The following PUM2 variants were observed in gnomAD, a reference collection of about 807,000 sequenced individuals.
PUM2 encodes the protein pumilio homolog 2.
In PUM2, 57 loss-of-function variants were observed where a neutral mutation model predicts 124.5. The observed-to-expected ratio is 0.46, with a 90% CI of 0.37 to 0.57. PUM2 has a LOEUF of 0.57. Among genes scored for constraint, PUM2 ranks in the 20% least tolerant of loss-of-function variants. The probability of loss-of-function intolerance (pLI) is 0.00; values close to 1 mark genes in which losing one functional copy is unlikely to be tolerated. For missense variants in PUM2, 1,065 were observed against 1,290.6 expected, an observed-to-expected ratio of 0.83 and a Z score of 2.68; for synonymous variants, 460 against 446.1, an observed-to-expected ratio of 1.03 and a Z score of -0.39.
Position 20,343,915 on chromosome 2 carries a change from T to C in PUM2, c.-19+6682A>G, listed in dbSNP as rs141556834. ...CTGCACTCCAGCCCCAGCAACACGA[T>C]GAGACACCCGCCCTCATCCCAGTAT... On this transcript the variant is annotated intron_variant, in intron 1 of 20. Transcript: ENST00000361078. Among the ~76,000 whole-genome samples, 85 of 151,822 alleles carry C rather than the reference T, an allele frequency of 5.6e-4. No homozygotes were observed. In the South Asian group the frequency reaches 8.1e-3, roughly 14 times the overall value.
intron 12 of PUM2, 148 bp downstream of exon 12, chr2:20,282,799 T>C: frequency 1.1e-6 from 1 of 883,644 alleles, no homozygotes; most frequent in Non-Finnish European, 1.6e-6. Flanking sequence ...ATTTGCAGGA[T>C]TTTTTTTTCC....
chr2:20,258,749 G>A (rs527819170), intron 15 of PUM2, among the ~76,000 whole-genome samples: 31 of 140,674 alleles, frequency 2.2e-4, no homozygotes, highest in Admixed American at 7.0e-4. Context: ...CTCACTGCAA[G>A]CTCTGCTTCC....
intron 2 of PUM2, among the ~76,000 whole-genome samples, chr2:20,324,235 GA>G (rs1194682883): frequency 3.9e-5 from 6 of 152,090 alleles, no homozygotes; most frequent in Non-Finnish European, 1.5e-5. Context: ...TAACACTAGG[GA>G]GAGATCTAGG....
At chr2:20,335,582 AAC>A (rs1685823182) in intron 1 of PUM2, among the ~76,000 whole-genome samples, 1 of 152,234 alleles carries the variant, frequency 6.6e-6, no homozygotes, top group Non-Finnish European at 1.5e-5. Flanking sequence ...GAGCTAAATC[AAC>A]AGTCTGTTTT....
At chr2:20,330,738 G>A (rs1386836457) in intron 1 of PUM2, among the ~76,000 whole-genome samples, 3 of 152,212 alleles carry the variant, frequency 2.0e-5, no homozygotes, top group African/African-American at 7.2e-5. Flanking sequence ...GACCAAAGAA[G>A]GTCAGAGGAA....
intron 13 of PUM2, among the ~76,000 whole-genome samples, chr2:20,264,509 C>G (rs1326422611): frequency 1.3e-5 from 2 of 149,896 alleles, no homozygotes. Flanking sequence ...ACATTCCGTT[C>G]CAAGAAAGAA....
chr2:20,341,485 G>A (rs1687215677), intron 1 of PUM2, among the ~76,000 whole-genome samples: 1 of 152,126 alleles, frequency 6.6e-6, no homozygotes, highest in African/African-American at 2.4e-5. Flanking sequence ...AAAAAGGAGG[G>A]GGGCAATGTA....
intron 1 of PUM2, among the ~76,000 whole-genome samples, chr2:20,333,694 C>T (rs1685394618): frequency 6.6e-6 from 1 of 152,146 alleles, no homozygotes; most frequent in Admixed American, 6.5e-5. Context: ...AGAAAGATCA[C>T]TTGAGCCCAG....
chr2:20,256,685 C>T (rs1371645998), intron 16 of PUM2, among the ~76,000 whole-genome samples: 1 of 152,120 alleles, frequency 6.6e-6, no homozygotes, highest in Non-Finnish European at 1.5e-5. Context: ...TACATATTAT[C>T]TCAATAATTC....
chr2:20,332,352 T>A (rs1050411751), intron 1 of PUM2, among the ~76,000 whole-genome samples: 2 of 149,784 alleles, frequency 1.3e-5, no homozygotes, highest in African/African-American at 4.9e-5. Flanking sequence ...AGATCATATC[T>A]AAATGGAGGT....
chr2:20,324,375 A>G (rs777486221), intron 2 of PUM2, among the ~76,000 whole-genome samples: 14 of 152,150 alleles, frequency 9.2e-5, no homozygotes, highest in Admixed American at 6.5e-5. Flanking sequence ...GACAGGAGAG[A>G]GCACTGCTTA....
Position 20,311,244 on chromosome 2 carries a change from T to C in PUM2, c.518+250A>G, listed in dbSNP as rs569130645. Among the ~76,000 whole-genome samples, 7 of 152,218 alleles carry C rather than the reference T, an allele frequency of 4.6e-5. No homozygotes were observed. The East Asian group carries it at 5.8e-4, about 13-fold the overall frequency. Reference sequence around the variant, plus strand: ...TTAGACTATTATATTACCAGAAAAGTAAGCACAGCTTCTAACATTACTCCT... The same window carrying C: ...TTAGACTATTATATTACCAGAAAAGCAAGCACAGCTTCTAACATTACTCCT... On this transcript the variant is annotated intron_variant, in intron 5 of 20. Transcript: ENST00000361078.
chr2:20,335,878 G>A (rs1685891726), intron 1 of PUM2, among the ~76,000 whole-genome samples: 1 of 152,160 alleles, frequency 6.6e-6, no homozygotes, highest in South Asian at 2.1e-4. Flanking sequence ...GCAAACATAA[G>A]ATTTTTGTTC....
At chr2:20,336,782 GTGTGTGTGTGTGTGTGTGT>G (rs1686197572) in intron 1 of PUM2, among the ~76,000 whole-genome samples, 1 of 144,848 alleles carries the variant, frequency 6.9e-6, no homozygotes, top group Admixed American at 6.9e-5. Flanking sequence ...GTGTGTGTGT[GTGTGTGTGTGTGTGTGTGT>G]GGTACAGACG....
At chr2:20,306,381 C>CA (rs1373933383) in intron 7 of PUM2, among the ~76,000 whole-genome samples, 2 of 151,790 alleles carry the variant, frequency 1.3e-5, no homozygotes, top group Non-Finnish European at 2.9e-5. Context: ...CTTAAAACCC[C>CA]AAAAAAGAAG....
At chr2:20,326,324 G>C (rs1272121243) in intron 2 of PUM2, 1 of 1,303,946 alleles carries the variant, frequency 7.7e-7, no homozygotes, top group East Asian at 5.5e-5. Context: ...GAAGGGGAGG[G>C]TTAGCTAGCT....
At chr2:20,278,957 A>G (rs947249576) in intron 12 of PUM2, 138 bp from the exon 13 acceptor site, 1 of 663,602 alleles carries the variant, frequency 1.5e-6, no homozygotes, top group Non-Finnish European at 2.6e-6. Context: ...AATTACTGTG[A>G]TAACTATATA....
At chr2:20,292,847 CT>C (rs1191279330) in intron 9 of PUM2, among the ~76,000 whole-genome samples, 4 of 152,124 alleles carry the variant, frequency 2.6e-5, no homozygotes, top group African/African-American at 9.6e-5. Context: ...AAGAGAATTG[CT>C]GCCGGGAGGC....
rs899198282 is a variant in PUM2, at chr2:20,249,319, C to T, written c.*2266G>A. On this transcript the variant is annotated 3_prime_UTR_variant, in exon 21 of 21. Coordinates refer to ENST00000361078, the MANE Select transcript of PUM2 (RefSeq NM_015317.5). ...TGGGCTGATACTGAGAACAAAAGTT[C>T]GATACGGGCCGAAATACTCTGAGGT... 23 of 152,274 alleles carry T rather than the reference C, an allele frequency of 1.5e-4. No individual in the cohort carries two copies. Among genetic ancestry groups the T allele is most frequent in the African/African-American group, 4.1e-4 (17 of 41,384 alleles). 9.4% of individuals were successfully genotyped at this position (152,274 alleles called of 1,614,324 possible). A position where few individuals can be genotyped will look rare whatever the true frequency, so the allele number is the denominator to read the frequency against.
Sources: allele counts gnomAD v4.1 joint callset (sites outside exome capture counted in the v4.1 genomes callset), GRCh38; gene constraint gnomAD v4.1.1; transcripts MANE v1.5; gene names NCBI Gene and HGNC (gene_info 2026-07-23, HGNC 2026-07-21).